PRELID2: variants seen among roughly 807,000 people sequenced by gnomAD.
PRELID2 encodes the protein PRELI domain-containing protein 2.
A neutral mutation model predicts 28.4 loss-of-function variants in PRELID2; 25 were observed. That is an observed-to-expected ratio of 0.88 (90% CI 0.64 to 1.23). The LOEUF (loss-of-function observed/expected upper bound fraction) is 1.23, where lower values mean the gene tolerates loss of function less well. Ranked by LOEUF, PRELID2 falls within the 50% of genes most tolerant of loss-of-function variation. The pLI, the probability that PRELID2 is intolerant of heterozygous loss-of-function variation, is 0.00. For synonymous variants in PRELID2, 76 were observed against 71.6 expected, an observed-to-expected ratio of 1.06 and a Z score of -0.31; for missense variants, 201 against 214.4, an observed-to-expected ratio of 0.94 and a Z score of 0.39.
At chr5:145,320,438 T>A in the PRELID2 span, among the ~76,000 whole-genome samples, 1 of 152,074 alleles carries the variant, frequency 6.6e-6, no homozygotes. Flanking sequence ...GCCCGGCTAA[T>A]TTTTTGTATT....
intron 1 of PRELID2, among the ~76,000 whole-genome samples, chr5:145,558,523 A>G (rs532901904): frequency 6.6e-6 from 1 of 152,150 alleles, no homozygotes; most frequent in Non-Finnish European, 1.5e-5. Flanking sequence ...GCTAAAGTGA[A>G]CTCACCTTAC....
the PRELID2 span, among the ~76,000 whole-genome samples, chr5:145,338,624 TA>T: frequency 6.6e-6 from 1 of 152,256 alleles, no homozygotes; most frequent in Admixed American, 6.5e-5. Flanking sequence ...TATATATTTT[TA>T]AAGATCTTGC....
chr5:145,587,917 G>A (rs1447828917), intron 1 of PRELID2, among the ~76,000 whole-genome samples: 1 of 152,162 alleles, frequency 6.6e-6, no homozygotes, highest in Admixed American at 6.6e-5. Flanking sequence ...AAATGAGTAA[G>A]AAGGAAAATT....
At chr5:145,754,658 G>A (rs572698721), downstream of PRELID2, among the ~76,000 whole-genome samples, 2 of 152,200 alleles carry the variant, frequency 1.3e-5, no homozygotes, top group South Asian at 4.2e-4. Context: ...TGCTAAGATT[G>A]AAACAAAAAC....
the PRELID2 span, among the ~76,000 whole-genome samples, chr5:145,379,612 G>C: frequency 6.6e-6 from 1 of 152,144 alleles, no homozygotes; most frequent in Non-Finnish European, 1.5e-5. Context: ...GCTCACCAAG[G>C]CTTCACCTGC....
chr5:145,823,249 CA>C (rs1251706559), intron 1 of PRELID2, 115 bp from the exon 2 acceptor site: 1 of 576,516 alleles, frequency 1.7e-6, no homozygotes, highest in African/African-American at 1.9e-5. Flanking sequence ...AACTTCTAAA[CA>C]AAGCCCAGTT....
chr5:145,731,109 G>A (rs1003062216), intron 1 of PRELID2, among the ~76,000 whole-genome samples: 1 of 152,176 alleles, frequency 6.6e-6, no homozygotes, highest in Non-Finnish European at 1.5e-5. Flanking sequence ...TGCATTTCGT[G>A]TTTCTTTCCT....
rs142057634 is a variant in PRELID2, at chr5:145,665,398, G to A, written n.70+99533C>T. 1.6e-3 allele frequency among the ~76,000 whole-genome samples: 248 copies of A among 152,136 alleles called. 2 individuals carry two copies. The East Asian group carries it at 0.025, about 15-fold the overall frequency. On this transcript the variant is annotated intron_variant and non_coding_transcript_variant, in intron 1 of 2. Coordinates refer to the PRELID2 transcript ENST00000510259. ...AGCAGTCTGCTTTAGATCCAGGATT[G>A]GGAAAAGACAGCAATTATGCCATAT...
chr5:145,248,257 G>T, the PRELID2 span, among the ~76,000 whole-genome samples: 2 of 151,794 alleles, frequency 1.3e-5, no homozygotes, highest in Non-Finnish European at 2.9e-5. Flanking sequence ...GAGGCCCTTG[G>T]TAAAACGGAA....
intron 1 of PRELID2, among the ~76,000 whole-genome samples, chr5:145,697,742 C>A (rs1225787031): frequency 6.6e-6 from 1 of 152,088 alleles, no homozygotes; most frequent in African/African-American, 2.4e-5. Context: ...TAAGAAAAGT[C>A]TCTTGGGTGT....
At chr5:145,384,360 T>C in the PRELID2 span, among the ~76,000 whole-genome samples, 1 of 152,184 alleles carries the variant, frequency 6.6e-6, no homozygotes, top group Admixed American at 6.5e-5. Context: ...AATGCAAATG[T>C]TCATCAACAG....
chr5:145,554,942 G>GTA (rs1752867387), intron 1 of PRELID2, among the ~76,000 whole-genome samples: 1 of 152,136 alleles, frequency 6.6e-6, no homozygotes, highest in Non-Finnish European at 1.5e-5. Flanking sequence ...GAAGTTGTCC[G>GTA]TATATATATT....
the PRELID2 span, among the ~76,000 whole-genome samples, chr5:145,379,570 T>C: frequency 6.6e-6 from 1 of 152,128 alleles, no homozygotes; most frequent in African/African-American, 2.4e-5. Context: ...ACACAGAGTA[T>C]GGTGCTGGTG....
chr5:145,286,449 A>G, the PRELID2 span, among the ~76,000 whole-genome samples: 1 of 152,176 alleles, frequency 6.6e-6, no homozygotes, highest in African/African-American at 2.4e-5. Flanking sequence ...AGATGCTATT[A>G]TCACCCCCAA....
chr5:145,481,063 A>G (rs1752155001), intron 1 of PRELID2, among the ~76,000 whole-genome samples: 1 of 152,106 alleles, frequency 6.6e-6, no homozygotes, highest in African/African-American at 2.4e-5. Context: ...GTAAGGCAGA[A>G]GTTACATTAT....
At chr5:145,457,920 C>G in the PRELID2 span, among the ~76,000 whole-genome samples, 1 of 152,168 alleles carries the variant, frequency 6.6e-6, no homozygotes, top group Admixed American at 6.5e-5. Context: ...CAAACCTCCA[C>G]CTTCCAAAAT....
At chr5:145,241,676 A>G in the PRELID2 span, among the ~76,000 whole-genome samples, 8 of 152,176 alleles carry the variant, frequency 5.3e-5, no homozygotes, top group South Asian at 1.2e-3. Flanking sequence ...TCATTTATCT[A>G]TCTAGAATGT....
chr5:145,553,305 T>C (rs1019231567), intron 1 of PRELID2, among the ~76,000 whole-genome samples: 4 of 151,168 alleles, frequency 2.6e-5, no homozygotes, highest in African/African-American at 9.7e-5. Context: ...GAAGTGACAA[T>C]GCAAGCCACA....
intron 1 of PRELID2, among the ~76,000 whole-genome samples, chr5:145,526,078 A>T (rs929803723): frequency 2.0e-5 from 3 of 152,198 alleles, no homozygotes; most frequent in Non-Finnish European, 2.9e-5. Context: ...AGCCCAGAGC[A>T]CCATCATAGC....
Sources: allele counts gnomAD v4.1 joint callset (sites outside exome capture counted in the v4.1 genomes callset), GRCh38; gene constraint gnomAD v4.1.1; transcripts MANE v1.5; gene names NCBI Gene and HGNC (gene_info 2026-07-23, HGNC 2026-07-21).